Variants in SFXN4 observed in about 807,000 individuals in gnomAD.
SFXN4 encodes the protein sideroflexin-4.
SFXN4 carries 48 observed loss-of-function variants against 54.6 expected under a neutral mutation model. The observed-to-expected ratio is 0.88, with a 90% CI of 0.70 to 1.12. SFXN4 has a LOEUF of 1.12. Ranked by LOEUF, SFXN4 falls within the 50% of genes most tolerant of loss-of-function variation. The pLI is 0.00. For missense variants in SFXN4, 383 were observed against 409.2 expected, an observed-to-expected ratio of 0.94 and a Z score of 0.55; for synonymous variants, 130 against 145.5, an observed-to-expected ratio of 0.89 and a Z score of 0.77.
intron 9 of SFXN4, 68 bp downstream of exon 9, chr10:119,157,600 T>C (rs189299749): frequency 2.2e-5 from 28 of 1,261,050 alleles, no homozygotes; most frequent in African/African-American, 1.7e-4. Context: ...AAATTTGTAA[T>C]TGGAATAAAT....
intron 11 of SFXN4, among the ~76,000 whole-genome samples, chr10:119,150,220 T>C (rs1398311040): frequency 6.6e-6 from 1 of 152,094 alleles, no homozygotes; most frequent in Non-Finnish European, 1.5e-5. Flanking sequence ...AAAATGAAGT[T>C]TCTTCTGGTG....
At chr10:119,156,779 C>A (rs2133607221) in intron 9 of SFXN4, 23 bp from the exon 10 acceptor site, 1 of 1,568,052 alleles carries the variant, frequency 6.4e-7, no homozygotes, top group East Asian at 2.3e-5. Context: ...AGAGAAAAAT[C>A]ATTATTTCAT....
At chr10:119,142,824 A>C (rs1846601574) in intron 13 of SFXN4, among the ~76,000 whole-genome samples, 2 of 138,486 alleles carry the variant, frequency 1.4e-5, no homozygotes, top group Non-Finnish European at 1.5e-5. Flanking sequence ...CTCTGCCTCC[A>C]GGGTTCACAC....
At chr10:119,161,015 A>G in intron 4 of SFXN4, 40 bp downstream of exon 4, 1 of 1,614,156 alleles carries the variant, frequency 6.2e-7, no homozygotes, top group Non-Finnish European at 8.5e-7. Flanking sequence ...TGGTTTTGTT[A>G]TTATAGGACA....
At position 119,140,986 on chromosome 10, in the gene SFXN4, C is replaced by T. The variant is rs115303392; in HGVS notation, c.*256G>A. On this transcript the variant is annotated 3_prime_UTR_variant, in exon 14 of 14. Transcript: ENST00000355697. ...GATTTCACAGTATCCTTTCGCAGGC[C>T]GATCCCCACTCCAACCGTTCCCTCA... The T allele has an allele frequency of 1.5e-3, 582 of 392,108 alleles. 2 individuals are homozygous for T. Among genetic ancestry groups the T allele is most frequent in the African/African-American group, 0.011 (517 of 48,352 alleles). The allele number at this position is 392,108 out of a possible 1,614,324, so 24.3% of individuals were successfully genotyped here. A position where few individuals can be genotyped will look rare whatever the true frequency, so the allele number is the denominator to read the frequency against.
intron 6 of SFXN4, 66 bp from the exon 7 acceptor site, chr10:119,158,128 G>T: frequency 2.8e-6 from 4 of 1,454,496 alleles, no homozygotes; most frequent in Middle Eastern, 1.7e-4. Context: ...CAGTAGCAAA[G>T]AACTTTCCAG....
chr10:119,164,468 C>T (rs1269922447), intron 1 of SFXN4, among the ~76,000 whole-genome samples: 2 of 152,008 alleles, frequency 1.3e-5, no homozygotes, highest in Non-Finnish European at 2.9e-5. Context: ...ATCAAATTGC[C>T]CTTGAGGGTT....
chr10:119,147,426 AGAG>A (rs1846863400), intron 12 of SFXN4, among the ~76,000 whole-genome samples: 2 of 152,166 alleles, frequency 1.3e-5, no homozygotes, highest in Admixed American at 1.3e-4. Context: ...GGGGGTTTAG[AGAG>A]GAGGGCTTGA....
chr10:119,144,140 C>T (rs1279611254), intron 13 of SFXN4, among the ~76,000 whole-genome samples: 1 of 152,048 alleles, frequency 6.6e-6, no homozygotes, highest in Admixed American at 6.6e-5. Flanking sequence ...CAGAAATGAA[C>T]ATTTGAAATG....
intron 12 of SFXN4, among the ~76,000 whole-genome samples, chr10:119,147,232 C>T (rs999976819): frequency 2.6e-5 from 4 of 152,282 alleles, no homozygotes; most frequent in African/African-American, 4.8e-5. Context: ...TTGCCCGTTC[C>T]GGCCCTAAAG....
chr10:119,146,945 T>C (rs771562269), intron 12 of SFXN4, among the ~76,000 whole-genome samples: 1 of 152,138 alleles, frequency 6.6e-6, no homozygotes, highest in African/African-American at 2.4e-5. Context: ...GTGGGGGGGA[T>C]GTGCACCCCA....
intron 11 of SFXN4, among the ~76,000 whole-genome samples, chr10:119,150,148 CT>C (rs11364809): frequency 0.3 from 44,594 of 149,622 alleles, 7,303 homozygotes; most frequent in South Asian, 0.4. Flanking sequence ...AAAAAAAGAC[CT>C]TTTTTTTTTT....
chr10:119,159,303 A>C (rs1382556091), intron 6 of SFXN4, among the ~76,000 whole-genome samples: 1 of 151,956 alleles, frequency 6.6e-6, no homozygotes, highest in Non-Finnish European at 1.5e-5. Flanking sequence ...AACCCAAAAA[A>C]CCAAAAAGCA....
chr10:119,161,135 C>T, intron 3 of SFXN4, 54 bp from the exon 4 acceptor site: 11 of 1,586,244 alleles, frequency 6.9e-6, no homozygotes, highest in Non-Finnish European at 9.5e-6. Context: ...TTTTAAGAGA[C>T]AAGGTCTTGC....
chr10:119,153,053 A>C (rs1847135566), intron 11 of SFXN4, among the ~76,000 whole-genome samples: 1 of 152,174 alleles, frequency 6.6e-6, no homozygotes, highest in Non-Finnish European at 1.5e-5. Flanking sequence ...AAATGAAAAG[A>C]CCATAGACTA....
At chr10:119,157,602 G>A in intron 9 of SFXN4, 66 bp downstream of exon 9, 2 of 1,271,900 alleles carry the variant, frequency 1.6e-6, no homozygotes, top group Non-Finnish European at 2.2e-6. Flanking sequence ...ATTTGTAATT[G>A]GAATAAATAA....
chr10:119,157,626 C>T (rs1847325332), intron 9 of SFXN4, 42 bp downstream of exon 9: 2 of 1,455,044 alleles, frequency 1.4e-6, no homozygotes, highest in Admixed American at 4.4e-5. Flanking sequence ...TTCCTGGATT[C>T]TGAGGAATAA....
intron 2 of SFXN4, among the ~76,000 whole-genome samples, chr10:119,163,698 C>T (rs1302019641): frequency 2.0e-5 from 3 of 151,940 alleles, no homozygotes; most frequent in Non-Finnish European, 2.9e-5. Flanking sequence ...CCACGGCACA[C>T]GGTCAGATGT....
At chr10:119,146,545 T>A (rs1846818552) in intron 12 of SFXN4, among the ~76,000 whole-genome samples, 192 bp from the exon 13 acceptor site, 1 of 151,890 alleles carries the variant, frequency 6.6e-6, no homozygotes, top group Non-Finnish European at 1.5e-5. Context: ...TCAAGGCCTG[T>A]TTTTTTGTTG....
Sources: gnomAD v4.1 joint callset for allele counts (sites outside exome capture counted in the v4.1 genomes callset) on GRCh38, gnomAD v4.1.1 for gene constraint, MANE v1.5 for transcripts, NCBI Gene and HGNC (gene_info 2026-07-23, HGNC 2026-07-21) for gene names.